The following RPSA2 variants were observed in gnomAD, a reference collection of about 807,000 sequenced individuals.
RPSA2 encodes the protein ribosomal protein SA 2.
the RPSA2 span, chr19:23,799,019 A>G: frequency 1.3e-5 from 2 of 152,332 alleles, no homozygotes; most frequent in East Asian, 1.9e-4. Flanking sequence ...TAGAAAAAAT[A>G]TTTTATGATT....
At chr19:23,840,469 G>C in the RPSA2 span, among the ~76,000 whole-genome samples, 1 of 152,092 alleles carries the variant, frequency 6.6e-6, no homozygotes, top group Non-Finnish European at 1.5e-5. Context: ...TATCAGTGAG[G>C]GAGAAAACTG....
chr19:23,834,618 A>G, the RPSA2 span, among the ~76,000 whole-genome samples: 1 of 152,040 alleles, frequency 6.6e-6, no homozygotes, highest in Admixed American at 6.5e-5. Flanking sequence ...TATTTTATTA[A>G]TTGCACTTTT....
chr19:23,857,647 C>A, the RPSA2 span, among the ~76,000 whole-genome samples: 1 of 98,906 alleles, frequency 1.0e-5, no homozygotes, highest in Non-Finnish European at 2.1e-5. Context: ...CCCACCACCA[C>A]ACCTAGCTAA....
At chr19:23,767,173 C>T in the RPSA2 span, among the ~76,000 whole-genome samples, 191 of 152,138 alleles carry the variant, frequency 1.3e-3, 1 homozygote, top group Non-Finnish European at 1.0e-4. Context: ...AACTCCTGAC[C>T]TCAGATTATC....
chr19:23,848,765 G>C, the RPSA2 span, among the ~76,000 whole-genome samples: 1 of 152,142 alleles, frequency 6.6e-6, no homozygotes, highest in Non-Finnish European at 1.5e-5. Flanking sequence ...TCATTCATTT[G>C]GTGAACTAAT....
At chr19:23,836,512 AT>A in the RPSA2 span, among the ~76,000 whole-genome samples, 24 of 152,190 alleles carry the variant, frequency 1.6e-4, no homozygotes, top group Non-Finnish European at 2.8e-4. Context: ...ATAATGACTT[AT>A]TTTTCTCTGG....
At chr19:23,822,354 A>AGTCT in the RPSA2 span, among the ~76,000 whole-genome samples, 7 of 152,170 alleles carry the variant, frequency 4.6e-5, no homozygotes, top group Non-Finnish European at 8.8e-5. Flanking sequence ...TAGCCAGCAG[A>AGTCT]GAGCTGCCTG....
At chr19:23,785,209 CTT>C in the RPSA2 span, among the ~76,000 whole-genome samples, 3 of 152,170 alleles carry the variant, frequency 2.0e-5, no homozygotes, top group East Asian at 1.9e-4. Context: ...TGATGGGAAT[CTT>C]TTTTTCTTGC....
chr19:23,858,086 A>C, the RPSA2 span, among the ~76,000 whole-genome samples: 1 of 143,184 alleles, frequency 7.0e-6, no homozygotes, highest in East Asian at 2.1e-4. Context: ...ACTCTGTATA[A>C]GTTTCTTGAG....
the RPSA2 span, among the ~76,000 whole-genome samples, chr19:23,848,741 C>T: frequency 6.6e-6 from 1 of 152,206 alleles, no homozygotes; most frequent in African/African-American, 2.4e-5. Context: ...AGCCAAATAA[C>T]AGACTGTCTT....
chr19:23,835,404 AAAT>A, the RPSA2 span, among the ~76,000 whole-genome samples: 1 of 152,096 alleles, frequency 6.6e-6, no homozygotes, highest in Admixed American at 6.6e-5. Flanking sequence ...TATTAGAACA[AAAT>A]AAATCATTTT....
chr19:23,854,998 A>G, the RPSA2 span, among the ~76,000 whole-genome samples: 1 of 152,230 alleles, frequency 6.6e-6, no homozygotes, highest in Non-Finnish European at 1.5e-5. Flanking sequence ...ATTTTTGAAC[A>G]GCATCTTGTA....
At chr19:23,868,784 A>C in the RPSA2 span, among the ~76,000 whole-genome samples, 1 of 152,158 alleles carries the variant, frequency 6.6e-6, no homozygotes, top group Non-Finnish European at 1.5e-5. Context: ...GGTGCCCTCA[A>C]GGTGCGTGCA....
chr19:23,772,055 C>T, the RPSA2 span, among the ~76,000 whole-genome samples: 1 of 152,044 alleles, frequency 6.6e-6, no homozygotes, highest in Non-Finnish European at 1.5e-5. Flanking sequence ...CTAGACCTAC[C>T]ACCTATGGGA....
the RPSA2 span, among the ~76,000 whole-genome samples, chr19:23,869,412 C>A: frequency 9.1e-6 from 1 of 109,336 alleles, no homozygotes; most frequent in Non-Finnish European, 2.0e-5. Context: ...ATGCCCGGCC[C>A]AATTGCCCCA....
chr19:23,866,618 C>T, the RPSA2 span, among the ~76,000 whole-genome samples: 1 of 151,156 alleles, frequency 6.6e-6, no homozygotes, highest in Non-Finnish European at 1.5e-5. Context: ...CAATAGCACC[C>T]CCTGTCAGGA....
At chr19:23,831,505 T>G in the RPSA2 span, 1 of 153,136 alleles carries the variant, frequency 6.5e-6, no homozygotes, top group Non-Finnish European at 1.5e-5. Context: ...TGTTTATGTA[T>G]TTGGTATAAT....
At chr19:23,765,474 T>C in the RPSA2 span, among the ~76,000 whole-genome samples, 1 of 151,996 alleles carries the variant, frequency 6.6e-6, no homozygotes, top group African/African-American at 2.4e-5. Flanking sequence ...AAAATGAGAT[T>C]ATGTCCATTG....
chr19:23,775,355 G>C, the RPSA2 span, among the ~76,000 whole-genome samples: 1 of 152,152 alleles, frequency 6.6e-6, no homozygotes, highest in Non-Finnish European at 1.5e-5. Flanking sequence ...CTTATAGGTA[G>C]ATGGCAACTC....
Sources: gnomAD v4.1 joint callset for allele counts (sites outside exome capture counted in the v4.1 genomes callset) on GRCh38, gnomAD v4.1.1 for gene constraint, MANE v1.5 for transcripts, NCBI Gene and HGNC (gene_info 2026-07-23, HGNC 2026-07-21) for gene names.